Variants in COL6A5 observed in about 807,000 individuals in gnomAD.
The protein encoded by COL6A5 is collagen type VI alpha 5 chain.
Under a neutral mutation model 65.6 loss-of-function variants are expected in COL6A5, and 48 were observed. The ratio of observed to expected loss-of-function variants is 0.73; its 90% CI spans 0.58 to 0.93. COL6A5 has a LOEUF of 0.93. Ranked by LOEUF, COL6A5 falls within the 40% of genes least tolerant of loss-of-function variation. The probability of loss-of-function intolerance (pLI) is 0.00; values close to 1 mark genes in which losing one functional copy is unlikely to be tolerated. For missense variants in COL6A5, 914 were observed against 928.3 expected, an observed-to-expected ratio of 0.98 and a Z score of 0.20; for synonymous variants, 291 against 322.8, an observed-to-expected ratio of 0.90 and a Z score of 1.05.
intron 7 of COL6A5, among the ~76,000 whole-genome samples, chr3:130,480,477 C>T (rs1251464832): frequency 5.3e-5 from 8 of 151,892 alleles, no homozygotes; most frequent in Non-Finnish European, 1.2e-4. Context: ...AAGGGAAATA[C>T]AAATTTAAGG....
intron 1 of COL6A5, among the ~76,000 whole-genome samples, chr3:130,364,276 A>G (rs11925891): frequency 0.14 from 21,492 of 152,208 alleles, 2,526 homozygotes; most frequent in East Asian, 0.6. Context: ...AATGCATATG[A>G]CATTTTAAAA....
At chr3:130,432,714 G>T (rs1937872903) in intron 1 of COL6A5, among the ~76,000 whole-genome samples, 1 of 152,120 alleles carries the variant, frequency 6.6e-6, no homozygotes, top group Non-Finnish European at 1.5e-5. Flanking sequence ...TCTCAAATTT[G>T]TTATCTGCTT....
chr3:130,426,372 T>C (rs931462013), exon 31 of COL6A5: 1 of 1,551,350 alleles, frequency 6.4e-7, no homozygotes, highest in Non-Finnish European at 8.7e-7. Context: ...TACAGCAATG[T>C]GATCTGATCC....
intron 1 of COL6A5, among the ~76,000 whole-genome samples, chr3:130,350,008 T>A (rs1934641707): frequency 6.6e-6 from 1 of 152,154 alleles, no homozygotes; most frequent in African/African-American, 2.4e-5. Flanking sequence ...GAAGAAGGAA[T>A]GGGGATAGTG....
intron 3 of COL6A5, among the ~76,000 whole-genome samples, chr3:130,377,255 T>C (rs1469963124): frequency 1.3e-5 from 2 of 152,190 alleles, no homozygotes; most frequent in Non-Finnish European, 2.9e-5. Context: ...AGGGCAGGGT[T>C]GACAACTTAT....
chr3:130,377,158 A>G (rs1349729348), intron 3 of COL6A5, among the ~76,000 whole-genome samples: 1 of 152,094 alleles, frequency 6.6e-6, no homozygotes, highest in East Asian at 1.9e-4. Flanking sequence ...ACAGCTTATG[A>G]CAGCAGCACT....
intron 11 of COL6A5, among the ~76,000 whole-genome samples, chr3:130,401,430 A>G (rs893091560): frequency 3.9e-5 from 6 of 152,302 alleles, no homozygotes; most frequent in Admixed American, 2.6e-4. Context: ...AAAGCCCCCA[A>G]CTGTTTGTGC....
At chr3:130,391,568 G>A (rs1559874883) in exon 7 of COL6A5, 3 of 1,551,652 alleles carry the variant, frequency 1.9e-6, no homozygotes, top group Admixed American at 2.0e-5. Context: ...TCAGCTCAAT[G>A]ACACAGCATT....
chr3:130,481,909 A>T (rs1180323990), intron 7 of COL6A5, among the ~76,000 whole-genome samples: 1 of 151,914 alleles, frequency 6.6e-6, no homozygotes, highest in Non-Finnish European at 1.5e-5. Flanking sequence ...TTTAAATTGT[A>T]AATTTGTTTA....
Position 130,414,189 on chromosome 3 carries a change from G to C in COL6A5, c.4761+58G>C, listed in dbSNP as rs370531042. 264 of 1,277,326 alleles carry C rather than the reference G, an allele frequency of 2.1e-4. 1 individual carries two copies. The African/African-American group carries it at 3.6e-3, about 18-fold the overall frequency. The allele number at this position is 1,277,326 out of a possible 1,614,324, so 79.1% of individuals were successfully genotyped here. A position where few individuals can be genotyped will look rare whatever the true frequency, so the allele number is the denominator to read the frequency against. On this transcript the variant is annotated intron_variant and NMD_transcript_variant, in intron 22 of 41. Transcript: ENST00000312481. ...TGCTGTAAAGTTATTCTGATGGGAA[G>C]AAGGCAGGTATTTCTGTATAAAAAT...
intron 4 of COL6A5, among the ~76,000 whole-genome samples, chr3:130,382,572 C>T (rs1936036549): frequency 1.3e-5 from 2 of 152,148 alleles, no homozygotes; most frequent in African/African-American, 2.4e-5. Flanking sequence ...GGCCTGGGCC[C>T]ATGCATTTTA....
chr3:130,480,775 T>A (rs1485157905), intron 7 of COL6A5, among the ~76,000 whole-genome samples: 1 of 152,114 alleles, frequency 6.6e-6, no homozygotes, highest in African/African-American at 2.4e-5. Flanking sequence ...GGCTGGAACC[T>A]CTCTAAGATT....
At chr3:130,377,765 A>G (rs1423777107) in intron 3 of COL6A5, among the ~76,000 whole-genome samples, 6 of 152,180 alleles carry the variant, frequency 3.9e-5, no homozygotes, top group Non-Finnish European at 8.8e-5. Flanking sequence ...AATAGTGTCT[A>G]TCATATAATA....
intron 23 of COL6A5, among the ~76,000 whole-genome samples, chr3:130,416,483 T>C (rs1246078070): frequency 6.6e-6 from 1 of 152,100 alleles, no homozygotes; most frequent in Non-Finnish European, 1.5e-5. Context: ...TAGCATGTGT[T>C]GACTCAAGGG....
intron 8 of COL6A5, 127 bp downstream of exon 8, chr3:130,395,592 T>C: frequency 1.3e-6 from 1 of 759,130 alleles, no homozygotes; most frequent in Non-Finnish European, 2.1e-6. Context: ...ATATCTCACT[T>C]GTTGTGCAAT....
upstream of COL6A5, among the ~76,000 whole-genome samples, chr3:130,429,111 G>A (rs1429780593): frequency 6.6e-6 from 1 of 152,132 alleles, no homozygotes; most frequent in Non-Finnish European, 1.5e-5. Flanking sequence ...AAATTCACTT[G>A]GAAATCCCCC....
intron 5 of COL6A5, among the ~76,000 whole-genome samples, chr3:130,458,418 C>T (rs926039731): frequency 3.3e-5 from 5 of 152,120 alleles, no homozygotes; most frequent in African/African-American, 1.2e-4. Flanking sequence ...GTTGTTCCTA[C>T]ACAAGCAGCA....
chr3:130,350,674 T>C (rs756849092), intron 1 of COL6A5, among the ~76,000 whole-genome samples: 1 of 152,122 alleles, frequency 6.6e-6, no homozygotes, highest in Non-Finnish European at 1.5e-5. Context: ...CACAAACAAA[T>C]GGAAGAACAT....
intron 22 of COL6A5, among the ~76,000 whole-genome samples, 167 bp downstream of exon 22, chr3:130,414,298 C>T (rs1937275312): frequency 6.6e-6 from 1 of 152,080 alleles, no homozygotes; most frequent in African/African-American, 2.4e-5. Flanking sequence ...AAACTTGCTT[C>T]GTTGTTCGTA....
Sources: allele counts gnomAD v4.1 joint callset (sites outside exome capture counted in the v4.1 genomes callset), GRCh38; gene constraint gnomAD v4.1.1; transcripts MANE v1.5; gene names NCBI Gene and HGNC (gene_info 2026-07-23, HGNC 2026-07-21).